Variants in SEC16A observed in about 807,000 individuals in gnomAD.
SEC16A encodes protein transport protein Sec16A.
In SEC16A, 110 loss-of-function variants were observed where a neutral mutation model predicts 221.9. The observed-to-expected ratio is 0.50, with a 90% CI of 0.42 to 0.58. The LOEUF (loss-of-function observed/expected upper bound fraction) is 0.58. Ranked by LOEUF, SEC16A falls within the 20% of genes least tolerant of loss-of-function variation. The pLI is 0.00. For missense variants in SEC16A, 3,165 were observed against 3,097.8 expected (o/e 1.02, Z -0.52); for synonymous variants, 1,393 against 1,257.7 (o/e 1.11, Z -2.28).
At position 136,454,262 on chromosome 9, in the gene SEC16A, G is replaced by A. The variant is rs191890805; in HGVS notation, c.5923C>T (p.Leu1975=). The part of the protein sequence containing the change: ...PARVPMFPVP[L]PPGPLEPGPG... ...CCCGGCTCCAGGGGCCCCGGGGGCA[G>A]TGGCACTGGGAACATCGGCACTCTG... is the stretch of plus-strand genomic sequence containing the variant. The change falls in exon 21 of 32, where the codon CTG becomes TTG. Residue 1975 remains leucine, a synonymous_variant. Transcript: ENST00000684901. The A allele has an allele frequency of 1.9e-6, 3 of 1,582,466 alleles. No homozygotes were observed. The African/African-American group carries it at 4.0e-5, about 21-fold the overall frequency.
rs539760286 is a variant in SEC16A at position 136,447,345 on chromosome 9, G to A, written c.6579C>T (p.Tyr2193=). Residue 2193 remains tyrosine, a synonymous_variant, in exon 27 of 32, where the codon TAC becomes TAT. Coordinates refer to ENST00000684901, the MANE Select transcript of SEC16A (RefSeq NM_014866.2). The surrounding 1 kb of genome is among the most constrained non-coding windows in gnomAD (Gnocchi z 5.5). ...TCCCGCTTGGGTTCAGGACGTCAAC[G>A]TAGCGAGCTCTGGTTCCTGCTGCAA... ...SRRAAGTRAR[Y]VDVLNPSGTQ... The A allele has an allele frequency of 2.3e-5, 37 of 1,598,404 alleles. No homozygotes were observed. The East Asian group carries it at 3.8e-4, about 17-fold the overall frequency.
At position 136,455,782 on chromosome 9, in the gene SEC16A, T is replaced by C. The variant is rs774654128; in HGVS notation, c.5676A>G (p.Gly1892=). The part of the protein sequence containing the change: ...QVERQIKEGA[G]VWHQDGALPQ... ...GGAGGGCTCCATCCTGATGCCATACTCCAGCCCCCTCCTGAGGGAGAACAA... is the reference window on the plus strand; with the variant it reads ...GGAGGGCTCCATCCTGATGCCATACCCCAGCCCCCTCCTGAGGGAGAACAA... Residue 1892 remains glycine, a synonymous_variant, in exon 20 of 32, where the codon GGA becomes GGG. Transcript: ENST00000684901. 19 of 1,597,584 alleles carry C rather than the reference T, an allele frequency of 1.2e-5. No individual in the cohort carries two copies. Among genetic ancestry groups the C allele is most frequent in the Non-Finnish European group, 1.6e-5 (19 of 1,172,430 alleles).
Position 136,451,396 on chromosome 9 carries a change from T to G in SEC16A, c.6172A>C (p.Thr2058Pro). The G allele has an allele frequency of 6.2e-7, 1 of 1,606,276 alleles. No homozygotes were observed. The highest frequency in any genetic ancestry group is 8.5e-7 in the Non-Finnish European group (1 of 1,176,768). ...GKFANLTPSR[T>P]VPDSEAPPGW... ...GGGGGGGCCTCCGAGTCTGGCACCG[T>G]CCTCGAGGGGGTCTGTCGCAAGGAA... Residue 2058 changes from threonine (T) to proline (P), a missense_variant, in exon 23 of 32, where the codon ACG (threonine) becomes CCG (proline). Physicochemically the swap from Thr to Pro is conservative, Grantham distance 38 (BLOSUM62 -1). Transcript: ENST00000684901.
At chr9:136,462,614 G>C (rs1839640396) in intron 12 of SEC16A, among the ~76,000 whole-genome samples, 1 of 152,190 alleles carries the variant, frequency 6.6e-6, no homozygotes, top group Non-Finnish European at 1.5e-5. Context: ...GGCACGGCCT[G>C]TGCTCAACAT....
intron 23 of SEC16A, 28 bp downstream of exon 23, chr9:136,451,228 C>T (rs1323407202): frequency 6.2e-7 from 1 of 1,601,332 alleles, no homozygotes; most frequent in Non-Finnish European, 8.5e-7. Flanking sequence ...TCCCGGCCGC[C>T]AGGCGCACCG....
chr9:136,459,229 A>G lies in SEC16A; in HGVS notation c.5314T>C (p.Leu1772=). 2 of 1,613,678 alleles carry G rather than the reference A, an allele frequency of 1.2e-6. No homozygotes were observed. Among genetic ancestry groups the G allele is most frequent in the South Asian group, 2.2e-5 (2 of 91,000 alleles). ...LIGSNHSLPF[L]KFATNEAIQR... is the part of the protein sequence containing the mutation. ...ATTGCTTCGTTGGTTGCGAACTTTA[A>G]GAATGGCAAACTGTAGAGGAAGTGA... Residue 1772 remains leucine (L), a synonymous_variant, in exon 17 of 32, where the codon TTA becomes CTA. Transcript: ENST00000684901. The surrounding 1 kb of genome is among the most constrained non-coding windows in gnomAD (Gnocchi z 6.1).
Position 136,455,691 on chromosome 9 carries a change from G to GCTGA in SEC16A, c.5763_5766dup (p.Pro1923SerfsTer20). 1 of 1,593,612 alleles carries GCTGA rather than the reference G, an allele frequency of 6.3e-7. No individual in the cohort carries two copies. Among genetic ancestry groups the GCTGA allele is most frequent in the Non-Finnish European group, 8.5e-7 (1 of 1,170,966 alleles). On this transcript the variant is annotated frameshift_variant, in exon 20 of 32. Coordinates refer to ENST00000684901, the MANE Select transcript of SEC16A (RefSeq NM_014866.2). LOFTEE classifies it high-confidence loss of function. ...GGGTTGGCGATCCCCAGGGCTCCTGGCTGACTGAGTCCTGGCCTGTCCAAC... is the reference window on the plus strand; with the variant it reads ...GGGTTGGCGATCCCCAGGGCTCCTGGCTGACTGACTGAGTCCTGGCCTGTCCAAC...
Position 136,447,407 on chromosome 9 carries a change from G to A in SEC16A, c.6560-43C>T. 1 of 1,584,796 alleles carries A rather than the reference G, an allele frequency of 6.3e-7. No individual in the cohort carries two copies. Among genetic ancestry groups the A allele is most frequent in the Non-Finnish European group, 8.6e-7 (1 of 1,165,712 alleles). On this transcript the variant is annotated intron_variant, in intron 26 of 31. Coordinates refer to ENST00000684901, the MANE Select transcript of SEC16A (RefSeq NM_014866.2). This position sits in a 1 kb window ranked among gnomAD's most constrained non-coding sequence, Gnocchi z 5.5. ...GCAAATTGAGGTGAACGCGCCAGGT[G>A]GCCTCCAGCTTCCAAATGCTCTGCG... is the stretch of plus-strand genomic sequence containing the variant.
rs564345910 is a variant in SEC16A at position 136,440,851 on chromosome 9, A to T, written c.*904T>A. The T allele has an allele frequency of 6.6e-6, 1 of 152,522 alleles. No homozygotes were observed. The highest frequency in any genetic ancestry group is 1.9e-4 in the East Asian group (1 of 5,330). 9.4% of individuals were successfully genotyped at this position (152,522 alleles called of 1,614,324 possible). The stretch of plus-strand genomic sequence containing the variant: ...CACGAAAAGTGCTCACGGAAAGTGC[A>T]GCCTTTTAGAGAAGTGCATCCAGCT... On this transcript the variant is annotated 3_prime_UTR_variant, in exon 32 of 32. Coordinates refer to ENST00000684901, the MANE Select transcript of SEC16A (RefSeq NM_014866.2).
chr9:136,468,429 T>G lies in SEC16A; in HGVS notation c.3788A>C (p.Gln1263Pro). The G allele has an allele frequency of 3.1e-6, 5 of 1,611,100 alleles. No individual in the cohort carries two copies. The highest frequency in any genetic ancestry group is 4.2e-6 in the Non-Finnish European group (5 of 1,177,402). ...SDYYASYYSS[Q>P]YDYGDPGHWD... ...CCTTGACATACCTCCATAATCGTAC[T>G]GGCTGGAGTAATAGCTTGCATAGTA... The change falls in exon 5 of 32, where the codon CAG becomes CCG. Residue 1263 changes from glutamine (Q) to proline (P), a missense_variant. Transcript: ENST00000684901.
At chr9:136,445,488 AT>A (rs375050040) in intron 29 of SEC16A, among the ~76,000 whole-genome samples, 156 bp downstream of exon 29, 9 of 151,990 alleles carry the variant, frequency 5.9e-5, no homozygotes, top group African/African-American at 1.9e-4. Flanking sequence ...AACAAGTGCA[AT>A]TTTTTTTCCC....
chr9:136,465,916 C>T (rs1840082699), intron 8 of SEC16A, 46 bp downstream of exon 8: 10 of 1,571,392 alleles, frequency 6.4e-6, no homozygotes, highest in Non-Finnish European at 8.7e-6. Context: ...TGGGTGGCCG[C>T]CCCAGTGGGG....
rs1354349585 is a variant in SEC16A, at chr9:136,447,363, T to C, written c.6561A>G (p.Ala2187=). The C allele has an allele frequency of 6.3e-6, 10 of 1,598,202 alleles. No homozygotes were observed. Among genetic ancestry groups the C allele is most frequent in the Non-Finnish European group, 8.5e-6 (10 of 1,173,056 alleles). The change falls in exon 27 of 32, where the codon GCA becomes GCG. Residue 2187 remains alanine (A), a splice_region_variant and synonymous_variant. Transcript: ENST00000684901. The surrounding 1 kb of genome is among the most constrained non-coding windows in gnomAD (Gnocchi z 5.5). ...CGTCAACGTAGCGAGCTCTGGTTCC[T>C]GCTGCAAAGGGGAGGGAAGCAAATT... The part of the protein sequence containing the change: ...APVNMYSRRA[A]GTRARYVDVL...
At position 136,476,682 on chromosome 9, in the gene SEC16A, A is replaced by G. The variant is rs759420444; in HGVS notation, c.934T>C (p.Trp312Arg). Reference sequence around the variant, plus strand: ...TTCTGCCTGAGCTCTGGGCTTGCCCAGTGATTCACAATTCTGGGATTTTGC... The same window carrying G: ...TTCTGCCTGAGCTCTGGGCTTGCCCGGTGATTCACAATTCTGGGATTTTGC... Reference protein sequence around the residue: ...FRQNPRIVNHWASPELRQNPG... With the variant: ...FRQNPRIVNHRASPELRQNPG... Residue 312 changes from tryptophan to arginine, a missense_variant, in exon 3 of 32, where the codon TGG (tryptophan) becomes CGG (arginine). Trp to Arg is a moderately radical substitution (Grantham distance 101). Around this residue, in one of 3 missense-constraint regions of SEC16A, gnomAD observed 2,030 missense variants for 1,923.1 expected, o/e 1.06. Coordinates refer to ENST00000684901, the MANE Select transcript of SEC16A (RefSeq NM_014866.2). The G allele has an allele frequency of 2.5e-6, 4 of 1,570,628 alleles. No individual in the cohort carries two copies. The highest frequency in any genetic ancestry group is 3.5e-6 in the Non-Finnish European group (4 of 1,155,648).
intron 21 of SEC16A, 26 bp from the exon 22 acceptor site, chr9:136,453,536 T>C (rs547723659): frequency 2.5e-6 from 4 of 1,588,040 alleles, no homozygotes; most frequent in African/African-American, 1.3e-5. Context: ...AGAGCAACTA[T>C]GATCTCAGTC....
At chr9:136,443,691 A>T (rs2131719658) in intron 31 of SEC16A, 132 bp downstream of exon 31, 3 of 630,878 alleles carry the variant, frequency 4.8e-6, no homozygotes, top group East Asian at 6.3e-5. Context: ...CTGTCTCAAT[A>T]AATAAATAAA....
At chr9:136,484,553 C>G, upstream of SEC16A, 1 of 1,310,008 alleles carries the variant, frequency 7.6e-7, no homozygotes, top group Non-Finnish European at 1.0e-6. Flanking sequence ...TGGGGGTGCC[C>G]GCCCGATGGC....
intron 22 of SEC16A, among the ~76,000 whole-genome samples, chr9:136,453,049 G>A (rs1444912637): frequency 2.2e-5 from 3 of 135,536 alleles, no homozygotes; most frequent in Admixed American, 8.6e-5. Context: ...AAGCCTGGGC[G>A]ACAGAGCAAG....
At position 136,467,126 on chromosome 9, in the gene SEC16A, G is replaced by A. The variant is rs547050662; in HGVS notation, c.3803-43C>T. On this transcript the variant is annotated intron_variant, in intron 5 of 31. Transcript: ENST00000684901. ...ATGATTAATACAGTAACATGCAAAAGAAGAAATGCCTCAGATATCACTAAA... is the reference window on the plus strand; with the variant it reads ...ATGATTAATACAGTAACATGCAAAAAAAGAAATGCCTCAGATATCACTAAA... 2.4e-5 allele frequency: 38 copies of A among 1,606,628 alleles called. No individual in the cohort carries two copies. The East Asian group carries it at 8.5e-4, about 36-fold the overall frequency.
Sources: allele counts gnomAD v4.1 joint callset (sites outside exome capture counted in the v4.1 genomes callset), GRCh38; gene constraint gnomAD v4.1.1; regional missense constraint gnomAD v4.1.1; non-coding constraint Gnocchi (gnomAD v3.1); transcripts MANE v1.5; gene names NCBI Gene and HGNC (gene_info 2026-07-23, HGNC 2026-07-21).